Variants in CHLSN observed in about 807,000 individuals in gnomAD.
CHLSN encodes the protein protein cholesin.
chr7:1,083,406 C>G, the CHLSN span, among the ~76,000 whole-genome samples: 2 of 151,826 alleles, frequency 1.3e-5, no homozygotes, highest in African/African-American at 4.8e-5. Flanking sequence ...GGGTGGATCA[C>G]GAGGTCAGGA....
chr7:1,114,567 C>T, the CHLSN span, among the ~76,000 whole-genome samples: 2 of 152,274 alleles, frequency 1.3e-5, no homozygotes, highest in Admixed American at 6.5e-5. Context: ...TGGCCTAACG[C>T]TGTTCCTGCT....
the CHLSN span, among the ~76,000 whole-genome samples, chr7:1,012,841 G>A: frequency 1.3e-5 from 2 of 152,262 alleles, no homozygotes; most frequent in East Asian, 1.9e-4. Context: ...TGGGGGTGCC[G>A]GCTCCACTCC....
the CHLSN span, among the ~76,000 whole-genome samples, chr7:1,130,985 T>C: frequency 6.6e-6 from 1 of 152,234 alleles, no homozygotes; most frequent in African/African-American, 2.4e-5. Context: ...CCCAGGAGTT[T>C]GAGACCAGCC....
At chr7:994,991 C>CGAGGGACAGACGT in the CHLSN span, among the ~76,000 whole-genome samples, 4 of 152,238 alleles carry the variant, frequency 2.6e-5, no homozygotes, top group African/African-American at 7.2e-5. Context: ...GAGCACTTGC[C>CGAGGGACAGACGT]GAGGGACAGA....
chr7:1,096,374 A>G, the CHLSN span, among the ~76,000 whole-genome samples: 8 of 152,156 alleles, frequency 5.3e-5, no homozygotes, highest in Non-Finnish European at 1.0e-4. The surrounding 1 kb of genome is among the most constrained non-coding windows in gnomAD (Gnocchi z 4.6). Flanking sequence ...CAGGTGCAAC[A>G]CTGAGGTCCC....
chr7:1,130,723 CG>C, the CHLSN span, among the ~76,000 whole-genome samples: 1 of 146,076 alleles, frequency 6.8e-6, no homozygotes, highest in African/African-American at 2.5e-5. Context: ...CGGGTGGGGG[CG>C]GGGGGGTGCC....
chr7:1,114,790 C>A, the CHLSN span, among the ~76,000 whole-genome samples: 2 of 152,262 alleles, frequency 1.3e-5, no homozygotes, highest in Non-Finnish European at 2.9e-5. Flanking sequence ...AGCCATTCTG[C>A]CCGGGCGATG....
At chr7:984,704 C>T in the CHLSN span, 1 of 1,349,546 alleles carries the variant, frequency 7.4e-7, no homozygotes, top group Non-Finnish European at 9.9e-7. Flanking sequence ...AGCTGGGCCT[C>T]CGGGCTGGTG....
chr7:979,951 T>C, the CHLSN span, among the ~76,000 whole-genome samples: 2 of 152,192 alleles, frequency 1.3e-5, no homozygotes, highest in Non-Finnish European at 1.5e-5. Flanking sequence ...GGATCTCTAG[T>C]ACACTGCAAA....
chr7:1,115,760 A>T, the CHLSN span, among the ~76,000 whole-genome samples: 1 of 125,314 alleles, frequency 8.0e-6, no homozygotes, highest in Non-Finnish European at 1.7e-5. Context: ...TGATGACATC[A>T]CTACAGCACT....
At chr7:1,106,491 G>A in the CHLSN span, among the ~76,000 whole-genome samples, 3 of 152,092 alleles carry the variant, frequency 2.0e-5, no homozygotes, top group Non-Finnish European at 4.4e-5. Flanking sequence ...GCAGGGGCCA[G>A]ACTCAGGCTG....
the CHLSN span, among the ~76,000 whole-genome samples, chr7:1,131,099 G>T: frequency 1.3e-5 from 2 of 151,886 alleles, no homozygotes; most frequent in Admixed American, 6.6e-5. Flanking sequence ...GTAGAGGTGG[G>T]AGGATTGCTT....
the CHLSN span, among the ~76,000 whole-genome samples, chr7:1,064,501 G>A: frequency 2.0e-5 from 3 of 152,146 alleles, no homozygotes; most frequent in Non-Finnish European, 4.4e-5. Context: ...CCCTGACCCT[G>A]AGCTTCCCAC....
At chr7:1,123,841 C>T in the CHLSN span, among the ~76,000 whole-genome samples, 10 of 152,066 alleles carry the variant, frequency 6.6e-5, no homozygotes, top group African/African-American at 1.7e-4. This position sits in a 1 kb window ranked among gnomAD's most constrained non-coding sequence, Gnocchi z 4.4. Flanking sequence ...TCGGAAGGAA[C>T]GTGCTGCCGA....
chr7:1,002,078 G>A, the CHLSN span, among the ~76,000 whole-genome samples: 2 of 137,586 alleles, frequency 1.5e-5, no homozygotes, highest in Admixed American at 7.1e-5. Flanking sequence ...TGGGTGGGGA[G>A]TCCTCTGGGT....
the CHLSN span, among the ~76,000 whole-genome samples, chr7:1,090,489 C>A: frequency 1.5e-4 from 22 of 151,678 alleles, no homozygotes; most frequent in Non-Finnish European, 3.1e-4. Context: ...GGTGATGGGA[C>A]CCTCCCCACT....
the CHLSN span, chr7:1,028,476 G>C: frequency 1.0e-6 from 1 of 985,400 alleles, no homozygotes. Flanking sequence ...GGAGAGCCGG[G>C]GCGGGGCCTC....
chr7:984,887 C>T, the CHLSN span: 2 of 1,525,468 alleles, frequency 1.3e-6, no homozygotes, highest in Non-Finnish European at 1.8e-6. Flanking sequence ...TTCCTGCCCA[C>T]TTGCCTGGCG....
the CHLSN span, among the ~76,000 whole-genome samples, chr7:993,224 G>A: frequency 6.6e-6 from 1 of 152,204 alleles, no homozygotes; most frequent in Non-Finnish European, 1.5e-5. Flanking sequence ...ACGGCAGCTG[G>A]AGCGCGTGGA....
Sources: allele counts gnomAD v4.1 joint callset (sites outside exome capture counted in the v4.1 genomes callset), GRCh38; gene constraint gnomAD v4.1.1; non-coding constraint Gnocchi (gnomAD v3.1); transcripts MANE v1.5; gene names NCBI Gene and HGNC (gene_info 2026-07-23, HGNC 2026-07-21).